USO1: variants seen among roughly 807,000 people sequenced by gnomAD.
USO1 encodes USO1 vesicle transport factor, also known as general vesicular transport factor p115.
USO1 carries 57 observed loss-of-function variants against 124.5 expected under a neutral mutation model. That is an observed-to-expected ratio of 0.46 (90% CI 0.37 to 0.57). The LOEUF (loss-of-function observed/expected upper bound fraction) is 0.57, where lower values mean the gene tolerates loss of function less well. Ranked by LOEUF, USO1 falls within the 20% of genes least tolerant of loss-of-function variation. The probability of loss-of-function intolerance (pLI) is 0.00; values close to 1 mark genes in which losing one functional copy is unlikely to be tolerated. For synonymous variants in USO1, 369 were observed against 362.8 expected (o/e 1.02, Z -0.19); for missense variants, 900 against 1,040.6 (o/e 0.86, Z 1.86).
At chr4:75,810,389 G>A in intron 21 of USO1, 43 bp from the exon 22 acceptor site, 3 of 1,541,532 alleles carry the variant, frequency 1.9e-6, no homozygotes, top group Non-Finnish European at 2.6e-6. Flanking sequence ...CATATTGATT[G>A]TAATGTTTAA....
chr4:75,747,646 G>T (rs1260723431), intron 1 of USO1, among the ~76,000 whole-genome samples: 1 of 119,224 alleles, frequency 8.4e-6, no homozygotes, highest in East Asian at 2.4e-4. Flanking sequence ...GTCTCGCTCT[G>T]TGGCCCAGGC....
At chr4:75,731,972 A>G (rs972327412) in intron 1 of USO1, among the ~76,000 whole-genome samples, 72 of 152,372 alleles carry the variant, frequency 4.7e-4, no homozygotes, top group African/African-American at 1.7e-3. Flanking sequence ...TTCATAAGCA[A>G]ATGTGTTTAT....
chr4:75,796,341 C>CTTTTTT (rs533041107), intron 13 of USO1, among the ~76,000 whole-genome samples: 1 of 102,064 alleles, frequency 9.8e-6, no homozygotes, highest in South Asian at 3.4e-4. Context: ...CCATCATGCT[C>CTTTTTT]TTTTTTTTTT....
rs752172733 is a variant in USO1 at position 75,812,220 on chromosome 4, A to G, written c.2644A>G (p.Asn882Asp). 32 of 1,610,358 alleles carry G rather than the reference A, an allele frequency of 2.0e-5. No homozygotes were observed. Among genetic ancestry groups the G allele is most frequent in the Non-Finnish European group, 2.7e-5 (32 of 1,178,260 alleles). ...TAIKEQLDSS[N>D]STIAILQTEK... is the part of the protein sequence containing the mutation. The stretch of plus-strand genomic sequence containing the variant: ...CATTAAAGAGCAGCTGGATTCATCT[A>G]ATAGTACCATTGCCATTTTACAAAC... Residue 882 changes from asparagine (N) to aspartate (D), a missense_variant, in exon 23 of 24, where the codon AAT becomes GAT. This residue lies in a region of USO1 where 362 missense variants were observed against 359.0 expected (regional missense o/e 1.01). Transcript: ENST00000514213.
intron 17 of USO1, among the ~76,000 whole-genome samples, chr4:75,802,441 C>G (rs1354559689): frequency 6.6e-6 from 1 of 152,168 alleles, no homozygotes. Flanking sequence ...GACACAATTA[C>G]TCTAATGACT....
rs1047881628 is a variant in USO1, at chr4:75,803,489, A to G, written c.1987-645A>G. ...ATGGTGAAACCCCATCTCTACTAAA[A>G]ATACAAAAACATTAGCTGGGCATGG... On this transcript the variant is annotated intron_variant, in intron 17 of 23. Coordinates refer to ENST00000514213, the MANE Select transcript of USO1 (RefSeq NM_003715.4). 1.4e-4 allele frequency among the ~76,000 whole-genome samples: 21 copies of G among 152,040 alleles called. 1 individual carries two copies. The highest frequency in any genetic ancestry group is 3.9e-4 in the Admixed American group (6 of 15,278).
chr4:75,789,976 A>AT (rs940548475), intron 10 of USO1, among the ~76,000 whole-genome samples, 174 bp from the exon 11 acceptor site: 1 of 151,048 alleles, frequency 6.6e-6, no homozygotes, highest in South Asian at 2.1e-4. Context: ...GGGATATAAG[A>AT]TTTTTTTTCA....
intron 22 of USO1, among the ~76,000 whole-genome samples, chr4:75,810,970 C>G (rs1723132327): frequency 6.6e-6 from 1 of 152,088 alleles, no homozygotes; most frequent in Non-Finnish European, 1.5e-5. Context: ...ACCTCGTGAT[C>G]CACCTGCCTT....
intron 1 of USO1, among the ~76,000 whole-genome samples, chr4:75,741,412 AT>A (rs1323393783): frequency 6.6e-6 from 1 of 152,142 alleles, no homozygotes; most frequent in Non-Finnish European, 1.5e-5. Context: ...CACTAAATTC[AT>A]TTTTTAAAAT....
chr4:75,790,861 G>C, intron 12 of USO1, 64 bp downstream of exon 12: 8 of 1,419,902 alleles, frequency 5.6e-6, no homozygotes, highest in Non-Finnish European at 7.4e-6. Flanking sequence ...GCTTTTAATT[G>C]ATTCTTTCTT....
intron 8 of USO1, among the ~76,000 whole-genome samples, chr4:75,782,345 G>GCTA (rs1200285302): frequency 1.3e-5 from 2 of 152,184 alleles, no homozygotes; most frequent in Non-Finnish European, 2.9e-5. Flanking sequence ...AAAGGAGAAG[G>GCTA]CTACTGTAAG....
intron 1 of USO1, among the ~76,000 whole-genome samples, chr4:75,744,714 C>G (rs1721071685): frequency 6.6e-6 from 1 of 152,256 alleles, no homozygotes; most frequent in African/African-American, 2.4e-5. Context: ...GCCACCGCGC[C>G]CAGCCCCTAT....
At position 75,805,225 on chromosome 4, in the gene USO1, A is replaced by C. The variant is rs770542817; in HGVS notation, c.2211A>C (p.Glu737Asp). ...CAGAAGAAATTGGTAGATTGCGAGAAGAGATAGAAGAATTAAAACGTAATC... is the reference window on the plus strand; with the variant it reads ...CAGAAGAAATTGGTAGATTGCGAGACGAGATAGAAGAATTAAAACGTAATC... ...IQPEEIGRLR[E>D]EIEELKRNQE... Residue 737 changes from glutamate to aspartate, a missense_variant, in exon 19 of 24, where the codon GAA (glutamate) becomes GAC (aspartate). Glu to Asp is a conservative substitution (Grantham distance 45, BLOSUM62 2). This residue lies in a region of USO1 where 362 missense variants were observed against 359.0 expected (regional missense o/e 1.01). Transcript: ENST00000514213. 6.8e-6 allele frequency: 11 copies of C among 1,613,158 alleles called. No individual in the cohort carries two copies. Among genetic ancestry groups the C allele is most frequent in the Non-Finnish European group, 8.5e-7 (1 of 1,179,538 alleles).
intron 8 of USO1, among the ~76,000 whole-genome samples, chr4:75,782,186 A>C (rs1722239296): frequency 6.6e-6 from 1 of 152,230 alleles, no homozygotes; most frequent in South Asian, 2.1e-4. Flanking sequence ...GATATGGTTG[A>C]TTCATTCAAC....
intron 7 of USO1, among the ~76,000 whole-genome samples, chr4:75,771,344 C>G (rs1251046042): frequency 6.6e-6 from 1 of 152,154 alleles, no homozygotes; most frequent in Non-Finnish European, 1.5e-5. Flanking sequence ...AAGCAATCCT[C>G]CTGTCTTGGC....
chr4:75,806,403 G>A lies in USO1; in HGVS notation c.2290-83G>A, dbSNP rs890009230. The A allele has an allele frequency of 4.7e-5, 69 of 1,481,974 alleles. No individual in the cohort carries two copies. In the Admixed American group the frequency reaches 1.4e-3, roughly 31 times the overall value. 91.8% of individuals were successfully genotyped at this position (1,481,974 alleles called of 1,614,324 possible). The stretch of plus-strand genomic sequence containing the variant: ...TTTTTTGGTAAGCACATATGATATA[G>A]TTTATATGTGTACAGTTCTGTTTTT... On this transcript the variant is annotated intron_variant, in intron 19 of 23. Transcript: ENST00000514213.
intron 8 of USO1, among the ~76,000 whole-genome samples, chr4:75,778,772 TTTAA>T (rs574611536): frequency 1.1e-3 from 171 of 152,350 alleles, no homozygotes; most frequent in African/African-American, 3.9e-3. Context: ...AACTGTGGAC[TTTAA>T]TTAATAATAG....
chr4:75,789,911 A>G (rs1431664179), intron 10 of USO1, among the ~76,000 whole-genome samples: 1 of 152,056 alleles, frequency 6.6e-6, no homozygotes, highest in Non-Finnish European at 1.5e-5. Context: ...AAGTGTTACA[A>G]GATTATAATG....
At chr4:75,754,343 A>G (rs1721376598) in intron 3 of USO1, among the ~76,000 whole-genome samples, 1 of 152,082 alleles carries the variant, frequency 6.6e-6, no homozygotes, top group African/African-American at 2.4e-5. Flanking sequence ...TCAGCCTCCC[A>G]AAGTGCTGGG....
Sources: allele counts gnomAD v4.1 joint callset (sites outside exome capture counted in the v4.1 genomes callset), GRCh38; gene constraint gnomAD v4.1.1; regional missense constraint gnomAD v4.1.1; transcripts MANE v1.5; gene names NCBI Gene and HGNC (gene_info 2026-07-23, HGNC 2026-07-21).